ST18: variants seen among roughly 807,000 people sequenced by gnomAD.
The protein encoded by ST18 is suppression of tumorigenicity 18 protein.
Under a neutral mutation model 110.0 loss-of-function variants are expected in ST18, and 50 were observed. That is an observed-to-expected ratio of 0.45 (90% confidence interval 0.36 to 0.58). The LOEUF is 0.58. ST18 is among the 20% of genes least tolerant of loss of function. The pLI is 0.00. For synonymous variants in ST18, 461 were observed against 452.4 expected, an observed-to-expected ratio of 1.02 and a Z score of -0.24; for missense variants, 1,306 against 1,280.1, an observed-to-expected ratio of 1.02 and a Z score of -0.31.
In ST18 at chr8:52,307,248, A is replaced by G. The variant is rs75932325; in HGVS notation, c.-464-77171T>C. ...ATTATATGAAATTACCAGTACCCATAAAATGACTCCCTAAAGTTCTTTGAA... is the reference window on the plus strand; with the variant it reads ...ATTATATGAAATTACCAGTACCCATGAAATGACTCCCTAAAGTTCTTTGAA... On this transcript the variant is annotated intron_variant, in intron 2 of 25. Transcript: ENST00000689386. Among the ~76,000 whole-genome samples the G allele has an allele frequency of 1.6e-4, 24 of 152,342 alleles. No homozygotes were observed. The East Asian group carries it at 4.6e-3, about 29-fold the overall frequency.
intron 8 of ST18, among the ~76,000 whole-genome samples, chr8:52,185,988 G>T (rs1379295183): frequency 6.6e-6 from 1 of 151,980 alleles, no homozygotes; most frequent in Non-Finnish European, 1.5e-5. Flanking sequence ...AACCAGTAAG[G>T]GGAGCCTCCT....
Position 52,381,937 on chromosome 8 carries a change from T to G in ST18, c.-465+27391A>C, listed in dbSNP as rs552961967. On this transcript the variant is annotated intron_variant, in intron 2 of 25. Transcript: ENST00000689386. ...TTAAAAGAATACAATAATAACTTAC[T>G]AAGTAAGCTTCAAGAGCTATATGCT... Among the ~76,000 whole-genome samples the G allele has an allele frequency of 1.3e-4, 19 of 147,286 alleles. No homozygotes were observed. The South Asian group carries it at 3.7e-3, about 28-fold the overall frequency.
At chr8:52,291,713 A>G (rs185993051) in intron 2 of ST18, among the ~76,000 whole-genome samples, 68 of 152,290 alleles carry the variant, frequency 4.5e-4, no homozygotes, top group Middle Eastern at 3.4e-3. Flanking sequence ...ATTATTTTAC[A>G]TAATATTCAT....
At chr8:52,194,631 T>C (rs561790544) in intron 8 of ST18, 1 of 152,316 alleles carries the variant, frequency 6.6e-6, no homozygotes, top group South Asian at 2.1e-4. Context: ...CACCCATTAC[T>C]GTGCAGATGA....
rs778214785 is a variant in ST18, at chr8:52,158,889, CTGG to C, written c.1806+6_1806+8del. 1.6e-5 allele frequency: 26 copies of C among 1,613,852 alleles called. No homozygotes were observed. The highest frequency in any genetic ancestry group is 2.1e-5 in the Non-Finnish European group (25 of 1,179,882). On this transcript the variant is annotated splice_donor_region_variant and intron_variant, in intron 15 of 25. Transcript: ENST00000689386. Reference sequence around the variant, plus strand: ...CTGGCCCACCCTCCGGGCTCTTGGACTGGCCTACCTTGGCATGCAGACTCTGTG... The same window carrying C: ...CTGGCCCACCCTCCGGGCTCTTGGACCCTACCTTGGCATGCAGACTCTGTG...
intron 15 of ST18, among the ~76,000 whole-genome samples, chr8:52,157,777 C>T (rs1463647803): frequency 6.6e-6 from 1 of 152,238 alleles, no homozygotes; most frequent in Non-Finnish European, 1.5e-5. Flanking sequence ...ATTCTTCTGT[C>T]AAATGCTCAG....
chr8:52,374,186 G>A (rs1161813575), intron 2 of ST18, among the ~76,000 whole-genome samples: 2 of 152,202 alleles, frequency 1.3e-5, no homozygotes, highest in African/African-American at 4.8e-5. Flanking sequence ...CTTTGCAGAT[G>A]TAATGGAGTT....
chr8:52,284,996 A>G (rs988209052), intron 2 of ST18, among the ~76,000 whole-genome samples: 3 of 152,308 alleles, frequency 2.0e-5, no homozygotes, highest in Non-Finnish European at 2.9e-5. Context: ...TTGAACAACT[A>G]TAAGGAAGGA....
chr8:52,309,389 C>T (rs988662972), intron 2 of ST18, among the ~76,000 whole-genome samples: 6 of 151,888 alleles, frequency 4.0e-5, no homozygotes, highest in African/African-American at 9.7e-5. Context: ...GGTGTGGTGG[C>T]GCATGCCTGT....
At chr8:52,241,546 C>G (rs2093405911) in intron 2 of ST18, among the ~76,000 whole-genome samples, 1 of 152,180 alleles carries the variant, frequency 6.6e-6, no homozygotes, top group African/African-American at 2.4e-5. Context: ...AGGTTGGCAG[C>G]TTTGCCTACA....
chr8:52,202,483 A>G (rs1304918956), intron 8 of ST18, among the ~76,000 whole-genome samples: 2 of 152,238 alleles, frequency 1.3e-5, no homozygotes, highest in Non-Finnish European at 2.9e-5. Flanking sequence ...AGCCGAAGGC[A>G]GAGAATCTGC....
At chr8:52,233,552 T>C (rs1183821713) in intron 2 of ST18, among the ~76,000 whole-genome samples, 1 of 152,184 alleles carries the variant, frequency 6.6e-6, no homozygotes, top group Non-Finnish European at 1.5e-5. Context: ...CCCTCTCTCC[T>C]TGGATGGCTT....
chr8:52,328,010 A>G (rs1807278963), intron 2 of ST18, among the ~76,000 whole-genome samples: 1 of 152,172 alleles, frequency 6.6e-6, no homozygotes, highest in Admixed American at 6.5e-5. Flanking sequence ...AAATGGGAGG[A>G]GGAATGTTTT....
chr8:52,203,214 C>A (rs955453930), intron 8 of ST18, among the ~76,000 whole-genome samples: 1 of 152,096 alleles, frequency 6.6e-6, no homozygotes, highest in African/African-American at 2.4e-5. Context: ...GACACCAGGG[C>A]TCAAAGTGCT....
chr8:52,159,681 T>C (rs1008968957), intron 14 of ST18, among the ~76,000 whole-genome samples: 1 of 152,092 alleles, frequency 6.6e-6, no homozygotes, highest in Non-Finnish European at 1.5e-5. Context: ...AAATAGATGG[T>C]GGAGTCTTTA....
chr8:52,203,009 G>C (rs867421930), intron 8 of ST18, among the ~76,000 whole-genome samples: 2 of 152,094 alleles, frequency 1.3e-5, no homozygotes, highest in East Asian at 1.9e-4. Flanking sequence ...ACTTCAAGAG[G>C]TTAAACATAC....
Position 52,259,099 on chromosome 8 carries a change from T to C in ST18, c.-464-29022A>G, listed in dbSNP as rs180988066. ...ACACAGGGCATTCATTCTCTCTAGATTGGGCTATCTTGGTGACTCAGAGCA... is the reference window on the plus strand; with the variant it reads ...ACACAGGGCATTCATTCTCTCTAGACTGGGCTATCTTGGTGACTCAGAGCA... On this transcript the variant is annotated intron_variant, in intron 2 of 25. Transcript: ENST00000689386. Among the ~76,000 whole-genome samples, 437 of 152,284 alleles carry C rather than the reference T, an allele frequency of 2.9e-3. 3 individuals are homozygous for C. The highest frequency in any genetic ancestry group is 2.4e-3 in the Non-Finnish European group (162 of 68,004).
rs975023073 is a variant in ST18, at chr8:52,260,667, C to T, written c.-464-30590G>A. On this transcript the variant is annotated intron_variant, in intron 2 of 25. Transcript: ENST00000689386. ...TGTAAGTCATTCTAGCTCCACAGGT[C>T]GGTAATTTCTCATTTCTATGCACAC... is the stretch of plus-strand genomic sequence containing the variant. Among the ~76,000 whole-genome samples the T allele has an allele frequency of 2.5e-4, 38 of 152,276 alleles. 1 individual carries two copies. The highest frequency in any genetic ancestry group is 5.8e-4 in the East Asian group (3 of 5,184).
chr8:52,317,189 C>T (rs915719847), intron 2 of ST18, among the ~76,000 whole-genome samples: 17 of 152,100 alleles, frequency 1.1e-4, no homozygotes, highest in African/African-American at 3.9e-4. Context: ...TGACTGTGAC[C>T]TTATTTGAAA....
Sources: allele counts gnomAD v4.1 joint callset (sites outside exome capture counted in the v4.1 genomes callset), GRCh38; gene constraint gnomAD v4.1.1; transcripts MANE v1.5; gene names NCBI Gene and HGNC (gene_info 2026-07-23, HGNC 2026-07-21).